Variants in TCERG1L observed in about 807,000 individuals in gnomAD.
The protein encoded by TCERG1L is transcription elongation regulator 1 like.
A neutral mutation model predicts 56.3 loss-of-function variants in TCERG1L; 37 were observed. The ratio of observed to expected loss-of-function variants is 0.66; its 90% confidence interval spans 0.51 to 0.87. The LOEUF (loss-of-function observed/expected upper bound fraction) is 0.87, where lower values mean the gene tolerates loss of function less well. TCERG1L is among the 40% of genes least tolerant of loss of function. TCERG1L has a pLI of 0.00. For synonymous variants in TCERG1L, 324 were observed against 326.3 expected, an observed-to-expected ratio of 0.99 and a Z score of 0.08; for missense variants, 799 against 774.2, an observed-to-expected ratio of 1.03 and a Z score of -0.38.
chr10:131,276,072 G>A (rs1009357128), intron 3 of TCERG1L, among the ~76,000 whole-genome samples: 1 of 152,158 alleles, frequency 6.6e-6, no homozygotes, highest in African/African-American at 2.4e-5. Context: ...ACACATACAT[G>A]TTAATTGGGT....
At chr10:131,209,409 T>A (rs1432953390) in intron 4 of TCERG1L, among the ~76,000 whole-genome samples, 2 of 152,230 alleles carry the variant, frequency 1.3e-5, no homozygotes, top group African/African-American at 4.8e-5. Flanking sequence ...TAAGGGGAAG[T>A]GGATACCTGT....
intron 4 of TCERG1L, among the ~76,000 whole-genome samples, chr10:131,185,637 G>T (rs1845232475): frequency 1.3e-5 from 2 of 152,014 alleles, no homozygotes; most frequent in East Asian, 1.9e-4. Context: ...CATGTGAAAA[G>T]GTGCTCAAAA....
chr10:131,156,317 T>C (rs1845922417), intron 6 of TCERG1L: 1 of 152,140 alleles, frequency 6.6e-6, no homozygotes, highest in Non-Finnish European at 1.5e-5. Context: ...AGAGAAACAT[T>C]TTTTTAAATG....
chr10:131,290,093 G>A (rs1227210477), intron 3 of TCERG1L, among the ~76,000 whole-genome samples: 1 of 50,756 alleles, frequency 2.0e-5, no homozygotes, highest in Non-Finnish European at 3.9e-5. Context: ...ATCTCCTATC[G>A]GTGTGTGTGT....
intron 4 of TCERG1L, among the ~76,000 whole-genome samples, chr10:131,208,971 T>C (rs534017039): frequency 6.7e-6 from 1 of 149,088 alleles, no homozygotes; most frequent in South Asian, 2.1e-4. Context: ...GGCAGGAGAA[T>C]GGCGTGAACC....
chr10:131,248,964 C>G (rs1051317309), intron 4 of TCERG1L, among the ~76,000 whole-genome samples: 1 of 152,206 alleles, frequency 6.6e-6, no homozygotes, highest in Non-Finnish European at 1.5e-5. Flanking sequence ...ACCAGCCGCC[C>G]CGGGGAGAGG....
chr10:131,141,772 G>A (rs1459825924), intron 7 of TCERG1L, among the ~76,000 whole-genome samples: 1 of 152,076 alleles, frequency 6.6e-6, no homozygotes, highest in East Asian at 1.9e-4. Flanking sequence ...CGCTATTCTA[G>A]CATCTCTCTT....
At chr10:131,116,432 C>T (rs1845459936) in intron 9 of TCERG1L, among the ~76,000 whole-genome samples, 1 of 152,072 alleles carries the variant, frequency 6.6e-6, no homozygotes, top group African/African-American at 2.4e-5. Flanking sequence ...CCCGGTGGAC[C>T]CCACCTGCCG....
chr10:131,104,385 T>C (rs1226618065), intron 9 of TCERG1L, 31 bp from the exon 10 acceptor site: 1 of 1,445,290 alleles, frequency 6.9e-7, no homozygotes, highest in Non-Finnish European at 9.5e-7. Context: ...GAGTTGCTGT[T>C]AGCGTCTAAT....
chr10:131,177,394 AAAG>A (rs1252090105), intron 4 of TCERG1L, among the ~76,000 whole-genome samples: 1 of 152,256 alleles, frequency 6.6e-6, no homozygotes, highest in African/African-American at 2.4e-5. Context: ...GTGTGCCAGA[AAAG>A]AATGGAAGAA....
intron 11 of TCERG1L, among the ~76,000 whole-genome samples, chr10:131,093,788 T>G (rs1037393264): frequency 6.6e-6 from 1 of 152,112 alleles, no homozygotes; most frequent in African/African-American, 2.4e-5. Flanking sequence ...CAGGGGGTCT[T>G]CTTTGGGAAA....
chr10:131,290,753 T>C (rs1248543503), intron 3 of TCERG1L, among the ~76,000 whole-genome samples: 1 of 151,256 alleles, frequency 6.6e-6, no homozygotes, highest in Non-Finnish European at 1.5e-5. Flanking sequence ...TTTTTTAATG[T>C]AGATGTACCA....
intron 9 of TCERG1L, among the ~76,000 whole-genome samples, chr10:131,105,445 G>A (rs1428186197): frequency 1.3e-5 from 2 of 152,132 alleles, no homozygotes; most frequent in East Asian, 3.9e-4. Context: ...TGTCCTGGGG[G>A]GGATACTCCT....
At chr10:131,262,595 A>C (rs1439954787) in intron 3 of TCERG1L, among the ~76,000 whole-genome samples, 1 of 152,208 alleles carries the variant, frequency 6.6e-6, no homozygotes, top group Non-Finnish European at 1.5e-5. Context: ...CTCATTGTGA[A>C]TATTTGGCAT....
At chr10:131,200,103 G>A (rs1845415552) in intron 4 of TCERG1L, among the ~76,000 whole-genome samples, 1 of 152,108 alleles carries the variant, frequency 6.6e-6, no homozygotes, top group Admixed American at 6.5e-5. Context: ...TCTGTTCATG[G>A]CAATGCAGGC....
intron 4 of TCERG1L, among the ~76,000 whole-genome samples, chr10:131,245,293 A>G (rs1003124587): frequency 5.9e-5 from 9 of 152,218 alleles, no homozygotes; most frequent in Admixed American, 2.0e-4. Context: ...ACAGCATTTA[A>G]TCCACCAGGC....
intron 7 of TCERG1L, among the ~76,000 whole-genome samples, chr10:131,137,080 C>T (rs7078983): frequency 0.12 from 18,095 of 152,030 alleles, 1,420 homozygotes; most frequent in Non-Finnish European, 0.18. Context: ...GCAGAGGTTG[C>T]AGTGAGCCGC....
chr10:131,253,943 G>A (rs117424270), intron 4 of TCERG1L, among the ~76,000 whole-genome samples: 215 of 152,072 alleles, frequency 1.4e-3, no homozygotes, highest in Non-Finnish European at 2.1e-3. Flanking sequence ...GAGAATTGCC[G>A]GCGATGATAA....
chr10:131,105,497 A>G (rs574449996), intron 9 of TCERG1L, among the ~76,000 whole-genome samples: 1 of 152,266 alleles, frequency 6.6e-6, no homozygotes, highest in African/African-American at 2.4e-5. Flanking sequence ...TTTTATTTAT[A>G]TTGCTACAGA....
Sources: allele counts gnomAD v4.1 joint callset (sites outside exome capture counted in the v4.1 genomes callset), GRCh38; gene constraint gnomAD v4.1.1; transcripts MANE v1.5; gene names NCBI Gene and HGNC (gene_info 2026-07-23, HGNC 2026-07-21).